Variants in PRKN observed in about 807,000 individuals in gnomAD.
PRKN encodes parkin RBR E3 ubiquitin protein ligase, also known as E3 ubiquitin-protein ligase parkin.
PRKN carries 56 observed loss-of-function variants against 59.5 expected under a neutral mutation model. The ratio of observed to expected loss-of-function variants is 0.94; its 90% CI spans 0.76 to 1.18. The LOEUF is 1.18. Among genes scored for constraint, PRKN ranks in the 50% most tolerant of loss-of-function variants. The probability of loss-of-function intolerance (pLI) is 0.00; values close to 1 mark genes in which losing one functional copy is unlikely to be tolerated. For missense variants in PRKN, 657 were observed against 596.4 expected (o/e 1.10, Z -1.06); for synonymous variants, 250 against 222.1 (o/e 1.13, Z -1.12).
At chr6:162,463,183 C>T (rs1791251521) in intron 1 of PRKN, among the ~76,000 whole-genome samples, 1 of 152,104 alleles carries the variant, frequency 6.6e-6, no homozygotes. Context: ...ATTTAACTCT[C>T]CTTGTAGTTT....
chr6:161,794,971 G>A lies in PRKN; in HGVS notation c.735-9063C>T, dbSNP rs369773077. 8.4e-4 allele frequency among the ~76,000 whole-genome samples: 128 copies of A among 151,704 alleles called. 1 individual carries two copies. Among genetic ancestry groups the A allele is most frequent in the African/African-American group, 1.1e-3 (47 of 41,350 alleles). On this transcript the variant is annotated intron_variant, in intron 6 of 11. Coordinates refer to ENST00000366898, the MANE Select transcript of PRKN (RefSeq NM_004562.3). ...GCGATCTCAGCTCACTGCAAGCTCC[G>A]CCTCCCGGGTTCACGCCATTCTCTT...
intron 6 of PRKN, among the ~76,000 whole-genome samples, chr6:161,936,844 A>C (rs1201390453): frequency 6.7e-6 from 1 of 150,358 alleles, no homozygotes; most frequent in African/African-American, 2.5e-5. Context: ...GAAGTGCAGT[A>C]GCGTGATCTT....
intron 2 of PRKN, among the ~76,000 whole-genome samples, chr6:162,305,972 C>T (rs1782204018): frequency 6.6e-6 from 1 of 151,956 alleles, no homozygotes; most frequent in Non-Finnish European, 1.5e-5. Context: ...CTTTTTCTTG[C>T]TCAATTCCCT....
intron 2 of PRKN, chr6:162,267,211 T>C (rs1276450055): frequency 2.6e-5 from 4 of 152,198 alleles, no homozygotes; most frequent in African/African-American, 9.6e-5. Flanking sequence ...TTTCCCTCAG[T>C]TGGCATCCCT....
intron 6 of PRKN, among the ~76,000 whole-genome samples, chr6:161,815,526 G>T (rs936721275): frequency 2.0e-5 from 3 of 152,134 alleles, no homozygotes; most frequent in South Asian, 4.1e-4. Flanking sequence ...GGAATAACAA[G>T]CACTGAATTT....
chr6:162,116,435 C>T (rs35649227), intron 4 of PRKN, among the ~76,000 whole-genome samples: 59,542 of 151,966 alleles, frequency 0.39, 12,274 homozygotes, highest in African/African-American at 0.52. Flanking sequence ...AAAGGGACGA[C>T]ATCATAAAGA....
In PRKN at chr6:161,717,096, C is replaced by A. The variant is rs1418385660; in HGVS notation, c.871+68676G>T. 2.0e-5 allele frequency among the ~76,000 whole-genome samples: 3 copies of A among 152,258 alleles called. No individual in the cohort carries two copies. The East Asian group carries it at 5.8e-4, about 29-fold the overall frequency. On this transcript the variant is annotated intron_variant, in intron 7 of 11. Transcript: ENST00000366898. ...AGGGACAGATGTGAAACAACCATGG[C>A]AAGAAACACACAGGATGTGTTAGTC...
intron 2 of PRKN, among the ~76,000 whole-genome samples, chr6:162,435,583 T>C (rs1050469142): frequency 6.6e-6 from 1 of 152,218 alleles, no homozygotes; most frequent in Non-Finnish European, 1.5e-5. Context: ...CCTGTACAGA[T>C]GATCATTCTT....
chr6:161,470,590 C>CAAAG lies in PRKN; in HGVS notation c.1083+78260_1083+78263dup, dbSNP rs995806458. Among the ~76,000 whole-genome samples, 63 of 152,330 alleles carry CAAAG rather than the reference C, an allele frequency of 4.1e-4. No individual in the cohort carries two copies. Among genetic ancestry groups the CAAAG allele is most frequent in the African/African-American group, 1.5e-3 (62 of 41,570 alleles). On this transcript the variant is annotated intron_variant, in intron 9 of 11. Coordinates refer to ENST00000366898, the MANE Select transcript of PRKN (RefSeq NM_004562.3). This position sits in a 1 kb window ranked among gnomAD's most constrained non-coding sequence, Gnocchi z 5.1. The stretch of plus-strand genomic sequence containing the variant: ...TCTGGCCACACCCCTCTTCCTGGAG[C>CAAAG]AAAGAGTCTGTGGAGCTAAAAAGCT...
At chr6:161,636,372 C>T (rs1023573272) in intron 7 of PRKN, among the ~76,000 whole-genome samples, 4 of 152,232 alleles carry the variant, frequency 2.6e-5, no homozygotes, top group Non-Finnish European at 5.9e-5. Flanking sequence ...TGCCACCTCT[C>T]GCAAGGGGGC....
chr6:162,248,123 C>T (rs1779272928), intron 3 of PRKN, among the ~76,000 whole-genome samples: 1 of 152,078 alleles, frequency 6.6e-6, no homozygotes, highest in Non-Finnish European at 1.5e-5. Context: ...CTCCCCACTA[C>T]AGAAGAGCTA....
At chr6:161,676,357 C>T (rs1219334122) in intron 7 of PRKN, among the ~76,000 whole-genome samples, 2 of 152,236 alleles carry the variant, frequency 1.3e-5, no homozygotes, top group African/African-American at 4.8e-5. Flanking sequence ...GCTCCTGCAG[C>T]AGTTCCTAGC....
chr6:161,822,552 T>C (rs767874381), intron 6 of PRKN, among the ~76,000 whole-genome samples: 1 of 152,210 alleles, frequency 6.6e-6, no homozygotes, highest in Non-Finnish European at 1.5e-5. Flanking sequence ...GGTGTGTGCC[T>C]GAAATCCCAG....
At chr6:162,299,484 A>T (rs1385057054) in intron 2 of PRKN, among the ~76,000 whole-genome samples, 1 of 152,158 alleles carries the variant, frequency 6.6e-6, no homozygotes, top group East Asian at 1.9e-4. Flanking sequence ...CCAAGTGTTC[A>T]GTGGCTTCAG....
At chr6:162,577,415 C>T (rs1372003073) in intron 1 of PRKN, among the ~76,000 whole-genome samples, 2 of 151,438 alleles carry the variant, frequency 1.3e-5, no homozygotes, top group South Asian at 4.2e-4. Context: ...GCCTGGCCGA[C>T]ATGGTGAAAC....
intron 9 of PRKN, among the ~76,000 whole-genome samples, chr6:161,439,378 T>C (rs545618464): frequency 6.6e-6 from 1 of 152,250 alleles, no homozygotes; most frequent in East Asian, 1.9e-4. Context: ...AAAAGTGCTT[T>C]GGAATCACAA....
At chr6:161,779,188 C>G (rs1331683334) in intron 7 of PRKN, among the ~76,000 whole-genome samples, 7 of 152,008 alleles carry the variant, frequency 4.6e-5, no homozygotes, top group African/African-American at 1.7e-4. Context: ...GATTCGCCCA[C>G]CTTGGCCTCC....
At chr6:162,031,927 G>A (rs80264586) in intron 5 of PRKN, among the ~76,000 whole-genome samples, 6,709 of 152,256 alleles carry the variant, frequency 0.044, 226 homozygotes, top group Middle Eastern at 0.095. Context: ...AACCCAGTTA[G>A]CTGAAAGCTT....
intron 6 of PRKN, among the ~76,000 whole-genome samples, chr6:161,853,051 T>C (rs1793502337): frequency 1.3e-5 from 2 of 152,186 alleles, no homozygotes; most frequent in South Asian, 2.1e-4. Context: ...AATATATATT[T>C]GATGGAAAAG....
Sources: gnomAD v4.1 joint callset for allele counts (sites outside exome capture counted in the v4.1 genomes callset) on GRCh38, gnomAD v4.1.1 for gene constraint, Gnocchi (gnomAD v3.1) non-coding constraint, MANE v1.5 for transcripts, NCBI Gene and HGNC (gene_info 2026-07-23, HGNC 2026-07-21) for gene names.